Variants in ANGPTL2 observed in about 807,000 individuals in gnomAD.
ANGPTL2 encodes the protein angiopoietin-related protein 2.
In ANGPTL2, 25 loss-of-function variants were observed where a neutral mutation model predicts 52.8. The observed-to-expected ratio is 0.47, with a 90% CI of 0.35 to 0.66. ANGPTL2 has a LOEUF of 0.66. Ranked by LOEUF, ANGPTL2 falls within the 30% of genes least tolerant of loss-of-function variation. The pLI is 0.01. For missense variants in ANGPTL2, 546 were observed against 656.9 expected, an observed-to-expected ratio of 0.83 and a Z score of 1.84; for synonymous variants, 276 against 277.4, an observed-to-expected ratio of 1.00 and a Z score of 0.05.
At chr9:127,110,593 G>A (rs1003667472) in intron 1 of ANGPTL2, among the ~76,000 whole-genome samples, 2 of 152,050 alleles carry the variant, frequency 1.3e-5, no homozygotes, top group African/African-American at 4.8e-5. Flanking sequence ...ATTTCCACTT[G>A]ACTATCTGCT....
intron 2 of ANGPTL2, among the ~76,000 whole-genome samples, chr9:127,107,589 A>C (rs2054341639): frequency 6.6e-6 from 1 of 152,248 alleles, no homozygotes; most frequent in African/African-American, 2.4e-5. Context: ...ATTCTCTTCT[A>C]TCTGCCAACA....
At chr9:127,102,352 G>A (rs1019807466) in intron 2 of ANGPTL2, among the ~76,000 whole-genome samples, 1 of 151,550 alleles carries the variant, frequency 6.6e-6, no homozygotes, top group African/African-American at 2.4e-5. Flanking sequence ...TTGTGGGGGT[G>A]GGGGTGGAGG....
chr9:127,087,740 G>A lies in ANGPTL2; in HGVS notation c.*1199C>T, dbSNP rs2051939548. 6.6e-6 allele frequency: 1 copy of A among 152,194 alleles called. No homozygotes were observed. The highest frequency in any genetic ancestry group is 2.4e-5 in the African/African-American group (1 of 41,426). The allele number at this position is 152,194 out of a possible 1,614,324, so 9.4% of individuals were successfully genotyped here. On this transcript the variant is annotated 3_prime_UTR_variant, in exon 5 of 5. Transcript: ENST00000373425. ...GCCTGTTTTCATTTTTGTGGCACTT[G>A]TTCTCCAGGGAAGTGTAGTTTGGAG...
chr9:127,091,743 A>G lies in ANGPTL2; in HGVS notation c.1209T>C (p.Asn403=). The stretch of plus-strand genomic sequence containing the variant: ...TGTGCCATGTAAAGGAGTCACCCGC[A>G]TTGCCATGGTAGCGCCCCAGCCGCA... The part of the protein sequence containing the change: ...YKLRLGRYHG[N]AGDSFTWHNG... Residue 403 remains asparagine, a synonymous_variant, in exon 4 of 5, where the codon AAT becomes AAC. Transcript: ENST00000373425. The surrounding 1 kb of genome is among the most constrained non-coding windows in gnomAD (Gnocchi z 4.3). 6.2e-7 allele frequency: 1 copy of G among 1,614,078 alleles called. No individual in the cohort carries two copies. Among genetic ancestry groups the G allele is most frequent in the Non-Finnish European group, 8.5e-7 (1 of 1,180,036 alleles).
chr9:127,099,683 A>G (rs1339656349), intron 2 of ANGPTL2, among the ~76,000 whole-genome samples: 2 of 152,236 alleles, frequency 1.3e-5, no homozygotes, highest in African/African-American at 2.4e-5. Context: ...CTGGTTATGG[A>G]TGTATATATA....
rs2051884957 is a variant in ANGPTL2 at position 127,087,406 on chromosome 9, T to C, written c.*1533A>G. 6.6e-6 allele frequency: 1 copy of C among 152,636 alleles called. No individual in the cohort carries two copies. Among genetic ancestry groups the C allele is most frequent in the Admixed American group, 6.5e-5 (1 of 15,288 alleles). The allele number at this position is 152,636 out of a possible 1,614,324, so 9.5% of individuals were successfully genotyped here. A position where few individuals can be genotyped will look rare whatever the true frequency, so the allele number is the denominator to read the frequency against. On this transcript the variant is annotated 3_prime_UTR_variant, in exon 5 of 5. Coordinates refer to ENST00000373425, the MANE Select transcript of ANGPTL2 (RefSeq NM_012098.3). ...ATTACAAGGATAATCTGGGAATATATTTTTAAAAAAACCCTCCCTTTTATA... is the reference window on the plus strand; with the variant it reads ...ATTACAAGGATAATCTGGGAATATACTTTTAAAAAAACCCTCCCTTTTATA...
At chr9:127,094,636 C>T (rs1006097465) in intron 2 of ANGPTL2, among the ~76,000 whole-genome samples, 2 of 152,242 alleles carry the variant, frequency 1.3e-5, no homozygotes, top group African/African-American at 4.8e-5. Flanking sequence ...TTTAGGGGGC[C>T]AGGTTCCCTT....
chr9:127,095,817 A>G (rs2053064099), intron 2 of ANGPTL2, among the ~76,000 whole-genome samples: 1 of 152,194 alleles, frequency 6.6e-6, no homozygotes, highest in Non-Finnish European at 1.5e-5. Context: ...GGTCTCTGTT[A>G]GACATCTCAG....
In ANGPTL2 at chr9:127,108,377, C is replaced by T. The variant is rs768957923; in HGVS notation, c.355G>A (p.Glu119Lys). ...LVEVDGGIVS[E>K]VKLLRKESRN... is the part of the protein sequence containing the mutation. The stretch of plus-strand genomic sequence containing the variant: ...CTCTCCTTGCGCAGCAGCTTCACCT[C>T]GCTCACAATGCCGCCGTCCACCTCC... Residue 119 changes from glutamate to lysine, a missense_variant, in exon 2 of 5, where the codon GAG (glutamate) becomes AAG (lysine). This residue lies in a region of ANGPTL2 where 285 missense variants were observed against 295.8 expected (regional missense o/e 0.96). Transcript: ENST00000373425. 2.5e-6 allele frequency: 4 copies of T among 1,610,230 alleles called. No individual in the cohort carries two copies. Among genetic ancestry groups the T allele is most frequent in the Non-Finnish European group, 2.5e-6 (3 of 1,178,256 alleles).
chr9:127,092,024 A>G (rs889303320), intron 3 of ANGPTL2, 84 bp from the exon 4 acceptor site: 2 of 1,524,296 alleles, frequency 1.3e-6, no homozygotes, highest in African/African-American at 2.8e-5. Context: ...TCAGCCCTGG[A>G]TAGAGGGGCC....
At chr9:127,093,528 G>T (rs551318598) in intron 3 of ANGPTL2, among the ~76,000 whole-genome samples, 1 of 152,184 alleles carries the variant, frequency 6.6e-6, no homozygotes, top group African/African-American at 2.4e-5. Flanking sequence ...CAGAGGAGGC[G>T]CTGGTCCTCA....
chr9:127,088,932 A>G lies in ANGPTL2; in HGVS notation c.*7T>C. 1 of 1,613,874 alleles carries G rather than the reference A, an allele frequency of 6.2e-7. No homozygotes were observed. The highest frequency in any genetic ancestry group is 8.5e-7 in the Non-Finnish European group (1 of 1,179,954). ...ATGGCCACGAGAGGTCAGGAGGGGG[A>G]GCTGGCTTAGTGGAAGGTGTTGGGG... On this transcript the variant is annotated 3_prime_UTR_variant, in exon 5 of 5. Transcript: ENST00000373425.
Position 127,118,015 on chromosome 9 carries a change from C to A in ANGPTL2, c.-50+4300G>T, listed in dbSNP as rs564234046. Among the ~76,000 whole-genome samples, 164 of 152,302 alleles carry A rather than the reference C, an allele frequency of 1.1e-3. 12 individuals carry two copies. Among genetic ancestry groups the A allele is most frequent in the East Asian group, 3.7e-3 (19 of 5,176 alleles). ...GATTTCAGCAGAGAATGGACTGACA[C>A]AATAGTTCAGTTGTGAGAGGCCTGG... is the stretch of plus-strand genomic sequence containing the variant. On this transcript the variant is annotated intron_variant, in intron 1 of 4. Transcript: ENST00000373425.
chr9:127,088,837 GCCTCA>G lies in ANGPTL2; in HGVS notation c.*97_*101del. On this transcript the variant is annotated 3_prime_UTR_variant, in exon 5 of 5. Coordinates refer to ENST00000373425, the MANE Select transcript of ANGPTL2 (RefSeq NM_012098.3). ...AGAATCCAGCATCCCGGTCCTCCCA[GCCTCA>G]GGATGAACTGGTGAGGAGTTGTTCT... 10 of 1,360,054 alleles carry G rather than the reference GCCTCA, an allele frequency of 7.4e-6. No individual in the cohort carries two copies. The highest frequency in any genetic ancestry group is 1.0e-5 in the Non-Finnish European group (10 of 964,236). The allele number at this position is 1,360,054 out of a possible 1,614,324, so 84.2% of individuals were successfully genotyped here.
chr9:127,108,810 A>G, intron 1 of ANGPTL2, 30 bp from the exon 2 acceptor site: 3 of 1,414,338 alleles, frequency 2.1e-6, no homozygotes, highest in Non-Finnish European at 9.5e-7. Flanking sequence ...AGAATCAGTG[A>G]TGGTCCCACC....
At chr9:127,107,237 C>T (rs907583005) in intron 2 of ANGPTL2, 1 of 152,206 alleles carries the variant, frequency 6.6e-6, no homozygotes, top group Non-Finnish European at 1.5e-5. Flanking sequence ...AATTATGTAA[C>T]ATACATGGAA....
At chr9:127,115,282 C>T (rs1426804541) in intron 1 of ANGPTL2, among the ~76,000 whole-genome samples, 6 of 152,128 alleles carry the variant, frequency 3.9e-5, no homozygotes, top group East Asian at 1.9e-4. Context: ...CTCTGCCTCC[C>T]GCTTTCAAGC....
intron 1 of ANGPTL2, 118 bp from the exon 2 acceptor site, chr9:127,108,898 G>A: frequency 1.4e-6 from 1 of 727,928 alleles, no homozygotes; most frequent in Non-Finnish European, 2.2e-6. Flanking sequence ...TCTGCTTCAG[G>A]ATGCTGGGTT....
chr9:127,104,793 T>C (rs1032650511), intron 2 of ANGPTL2, among the ~76,000 whole-genome samples: 1 of 152,238 alleles, frequency 6.6e-6, no homozygotes, highest in Non-Finnish European at 1.5e-5. Context: ...GTGAAAGGTT[T>C]GGAAGCTGCC....
Sources: gnomAD v4.1 joint callset for allele counts (sites outside exome capture counted in the v4.1 genomes callset) on GRCh38, gnomAD v4.1.1 for gene constraint, gnomAD v4.1.1 regional missense constraint, Gnocchi (gnomAD v3.1) non-coding constraint, MANE v1.5 for transcripts, NCBI Gene and HGNC (gene_info 2026-07-23, HGNC 2026-07-21) for gene names.